Variants in IL4I1 observed in about 807,000 individuals in gnomAD.
IL4I1 encodes the protein L-amino-acid oxidase.
In IL4I1, 24 loss-of-function variants were observed where a neutral mutation model predicts 29.7. That is an observed-to-expected ratio of 0.81 (90% confidence interval 0.59 to 1.14). IL4I1 has a LOEUF of 1.14. Ranked by LOEUF, IL4I1 falls within the 50% of genes most tolerant of loss-of-function variation. The pLI, the probability that IL4I1 is intolerant of heterozygous loss-of-function variation, is 0.00. For synonymous variants in IL4I1, 371 were observed against 352.5 expected (o/e 1.05, Z -0.59); for missense variants, 686 against 785.6 (o/e 0.87, Z 1.52).
chr19:49,893,479 G>A (rs1487754710), intron 5 of IL4I1, among the ~76,000 whole-genome samples: 1 of 152,002 alleles, frequency 6.6e-6, no homozygotes, highest in African/African-American at 2.4e-5. Flanking sequence ...GGCACCGGGA[G>A]GAGGAACAGG....
chr19:49,918,951 A>G (rs868471442), intron 2 of IL4I1, among the ~76,000 whole-genome samples: 76 of 148,668 alleles, frequency 5.1e-4, no homozygotes, highest in African/African-American at 1.8e-3. Flanking sequence ...GGAGTTTGAG[A>G]CCAGCCTGAC....
upstream of IL4I1, among the ~76,000 whole-genome samples, chr19:49,897,156 C>T (rs901606306): frequency 6.6e-5 from 10 of 152,170 alleles, no homozygotes; most frequent in Non-Finnish European, 1.2e-4. Flanking sequence ...CTTCGGTTTG[C>T]CCCCGTCCCT....
At chr19:49,914,725 AGTTTTTTTTTTTTTTTT>A (rs1462791173) in intron 2 of IL4I1, among the ~76,000 whole-genome samples, 1 of 30,906 alleles carries the variant, frequency 3.2e-5, no homozygotes, top group Non-Finnish European at 6.8e-5. Flanking sequence ...TCCAAGTCCC[AGTTTTTTTTTTTTTTTT>A]TTTTTTTTTT....
intron 5 of IL4I1, among the ~76,000 whole-genome samples, chr19:49,893,865 T>A (rs2122519076): frequency 6.6e-6 from 1 of 151,582 alleles, no homozygotes; most frequent in South Asian, 2.1e-4. Context: ...CGGGCGCCTG[T>A]AATCCCAGCT....
intron 2 of IL4I1, among the ~76,000 whole-genome samples, chr19:49,917,030 G>T (rs1420781672): frequency 2.6e-5 from 4 of 152,288 alleles, no homozygotes; most frequent in Admixed American, 2.6e-4. Context: ...AAGACGGACA[G>T]GGTGCGGAGC....
intron 2 of IL4I1, among the ~76,000 whole-genome samples, chr19:49,924,769 G>A (rs2075845484): frequency 6.6e-6 from 1 of 152,192 alleles, no homozygotes; most frequent in Non-Finnish European, 1.5e-5. Flanking sequence ...AGAGCTAAGG[G>A]TGCCAACTGG....
intron 2 of IL4I1, among the ~76,000 whole-genome samples, chr19:49,924,869 G>A (rs575169107): frequency 9.8e-5 from 15 of 152,300 alleles, no homozygotes; most frequent in Non-Finnish European, 2.1e-4. Flanking sequence ...GCAAAACGGT[G>A]GGGAGGGGAA....
chr19:49,894,557 G>T, intron 4 of IL4I1, 88 bp from the exon 5 acceptor site: 4 of 755,046 alleles, frequency 5.3e-6, no homozygotes, highest in Non-Finnish European at 6.5e-6. Context: ...GGTGGGAGGG[G>T]AGAGTAGCTG....
upstream of IL4I1, chr19:49,901,848 A>C (rs2075274721): frequency 3.6e-6 from 2 of 549,142 alleles, no homozygotes; most frequent in Non-Finnish European, 6.2e-6. Context: ...CCCCTTTCTC[A>C]GAAGTGTTTT....
At chr19:49,908,167 A>G in intron 2 of IL4I1, 12 of 1,576,222 alleles carry the variant, frequency 7.6e-6, no homozygotes, top group Non-Finnish European at 1.0e-5. Context: ...CCACAACCCC[A>G]AACTACAGAC....
At chr19:49,899,186 C>A (rs1228549318), upstream of IL4I1, among the ~76,000 whole-genome samples, 2 of 152,236 alleles carry the variant, frequency 1.3e-5, no homozygotes, top group African/African-American at 4.8e-5. Context: ...CCTACAGCCG[C>A]ATAACAGTGG....
intron 2 of IL4I1, among the ~76,000 whole-genome samples, chr19:49,923,331 A>C (rs1435218763): frequency 6.6e-6 from 1 of 152,144 alleles, no homozygotes; most frequent in Non-Finnish European, 1.5e-5. Flanking sequence ...CCTCAGTATC[A>C]CATTCGCTGG....
intron 2 of IL4I1, chr19:49,908,571 A>T (rs879939773): frequency 6.2e-7 from 1 of 1,613,524 alleles, no homozygotes; most frequent in East Asian, 2.2e-5. Context: ...TCCTTGACCA[A>T]CTCCTCCAGT....
At chr19:49,906,391 T>A (rs77550099) in intron 2 of IL4I1, among the ~76,000 whole-genome samples, 3,785 of 152,224 alleles carry the variant, frequency 0.025, 82 homozygotes, top group African/African-American at 0.063. Flanking sequence ...TTTGTAGTTT[T>A]TATAGAGACG....
intron 2 of IL4I1, among the ~76,000 whole-genome samples, chr19:49,925,822 A>G: frequency 6.6e-6 from 1 of 152,310 alleles, no homozygotes. Context: ...TAATGGAAAA[A>G]ACCAAGTGAG....
chr19:49,916,599 A>G (rs1166158658), intron 2 of IL4I1, among the ~76,000 whole-genome samples: 2 of 151,952 alleles, frequency 1.3e-5, no homozygotes, highest in Non-Finnish European at 2.9e-5. Flanking sequence ...GTCTGCACTA[A>G]AAATACAAAA....
intron 2 of IL4I1, among the ~76,000 whole-genome samples, chr19:49,919,511 C>G (rs1032559169): frequency 2.0e-5 from 3 of 152,222 alleles, no homozygotes; most frequent in Non-Finnish European, 2.9e-5. Flanking sequence ...CAAAATCCTG[C>G]CTCTGCCACT....
intron 2 of IL4I1, chr19:49,908,945 G>A (rs1258347763): frequency 6.2e-6 from 10 of 1,609,486 alleles, no homozygotes; most frequent in East Asian, 2.2e-5. Context: ...GGCAAAGCCG[G>A]TGGTGCTGCT....
intron 5 of IL4I1, among the ~76,000 whole-genome samples, chr19:49,892,800 A>G (rs1026916175): frequency 6.6e-6 from 1 of 152,142 alleles, no homozygotes; most frequent in Non-Finnish European, 1.5e-5. Context: ...CATAGAAATG[A>G]CCTGGACATG....
Sources: gnomAD v4.1 joint callset for allele counts (sites outside exome capture counted in the v4.1 genomes callset) on GRCh38, gnomAD v4.1.1 for gene constraint, MANE v1.5 for transcripts, NCBI Gene and HGNC (gene_info 2026-07-23, HGNC 2026-07-21) for gene names.